Variants in PREX1 observed in about 807,000 individuals in gnomAD.
PREX1 encodes the protein phosphatidylinositol-3,4,5-trisphosphate dependent Rac exchange factor 1, also known as phosphatidylinositol 3,4,5-trisphosphate-dependent Rac exchanger 1 protein.
Under a neutral mutation model 198.3 loss-of-function variants are expected in PREX1, and 41 were observed. The observed-to-expected ratio is 0.21, with a 90% confidence interval of 0.16 to 0.27. The LOEUF (loss-of-function observed/expected upper bound fraction) is 0.27, where lower values mean the gene tolerates loss of function less well. Among genes scored for constraint, PREX1 ranks in the 10% least tolerant of loss-of-function variants. The pLI is 1.00. For missense variants in PREX1, 1,620 were observed against 2,200.7 expected (o/e 0.74, Z 5.28); for synonymous variants, 843 against 887.2 (o/e 0.95, Z 0.89).
intron 3 of PREX1, 89 bp downstream of exon 3, chr20:48,744,936 A>G: frequency 6.6e-7 from 1 of 1,512,622 alleles, no homozygotes. Flanking sequence ...CTACAGAGGA[A>G]GCTGGTGAAG....
intron 1 of PREX1, among the ~76,000 whole-genome samples, chr20:48,807,753 T>C (rs1406000631): frequency 6.6e-6 from 1 of 152,172 alleles, no homozygotes; most frequent in Admixed American, 6.5e-5. Context: ...CTGGGCATTA[T>C]GCCTCTTGTG....
chr20:48,680,882 A>G (rs2089744762), intron 11 of PREX1, among the ~76,000 whole-genome samples: 1 of 128,248 alleles, frequency 7.8e-6, no homozygotes, highest in African/African-American at 3.3e-5. Flanking sequence ...CCATGACGAC[A>G]GGCACGTCCT....
At chr20:48,808,392 A>G (rs1197740683) in intron 1 of PREX1, among the ~76,000 whole-genome samples, 1 of 152,196 alleles carries the variant, frequency 6.6e-6, no homozygotes, top group East Asian at 1.9e-4. Flanking sequence ...ATAGAGCTCC[A>G]AGAAAAGCAG....
intron 7 of PREX1, among the ~76,000 whole-genome samples, chr20:48,698,961 G>A (rs372307995): frequency 1.9e-4 from 29 of 152,284 alleles, no homozygotes; most frequent in African/African-American, 6.3e-4. Flanking sequence ...GAGGTTAAAC[G>A]GGGATCCAAT....
At chr20:48,769,911 G>A (rs770741052) in intron 1 of PREX1, among the ~76,000 whole-genome samples, 6 of 152,094 alleles carry the variant, frequency 3.9e-5, no homozygotes, top group Middle Eastern at 3.2e-3. Context: ...CTGCACACAC[G>A]GTGAGGGAGA....
chr20:48,631,472 T>G (rs2089313954), intron 35 of PREX1, among the ~76,000 whole-genome samples: 1 of 152,186 alleles, frequency 6.6e-6, no homozygotes, highest in Non-Finnish European at 1.5e-5. Flanking sequence ...GGCCTCAACA[T>G]GTGTGAATGA....
At chr20:48,688,852 A>AG (rs368678071) in intron 9 of PREX1, 48 bp from the exon 10 acceptor site, 21 of 1,587,478 alleles carry the variant, frequency 1.3e-5, no homozygotes, top group Non-Finnish European at 1.6e-5. Flanking sequence ...GGCCCAGGGC[A>AG]GGGGGGGTAG....
rs573963735 is a variant in PREX1 at position 48,784,584 on chromosome 20, C to T, written c.220-36704G>A. Among the ~76,000 whole-genome samples the T allele has an allele frequency of 2.6e-5, 4 of 152,312 alleles. No homozygotes were observed. In the South Asian group the frequency reaches 6.2e-4, roughly 24 times the overall value. On this transcript the variant is annotated intron_variant, in intron 1 of 39. Coordinates refer to ENST00000371941, the MANE Select transcript of PREX1 (RefSeq NM_020820.4). ...AATTATTCTGTGACAGTGAGGCCGT[C>T]CTGATCTGCACACTGCTGGACCGAA...
At chr20:48,671,229 T>C (rs2089673044) in intron 14 of PREX1, among the ~76,000 whole-genome samples, 1 of 152,208 alleles carries the variant, frequency 6.6e-6, no homozygotes, top group Non-Finnish European at 1.5e-5. Flanking sequence ...GAAGGGAGGA[T>C]TGTAGGAAGT....
At chr20:48,764,763 C>T (rs1601121783) in intron 1 of PREX1, among the ~76,000 whole-genome samples, 1 of 123,374 alleles carries the variant, frequency 8.1e-6, no homozygotes, top group Non-Finnish European at 1.6e-5. Context: ...ACCTGGGAGA[C>T]AGAGCAAGAC....
chr20:48,741,128 T>C (rs2090079666), intron 3 of PREX1, among the ~76,000 whole-genome samples: 1 of 152,174 alleles, frequency 6.6e-6, no homozygotes, highest in Non-Finnish European at 1.5e-5. Flanking sequence ...TGAATCAATT[T>C]TTTAAAGCAT....
chr20:48,822,285 T>G (rs1161578678), intron 1 of PREX1, among the ~76,000 whole-genome samples: 1 of 152,170 alleles, frequency 6.6e-6, no homozygotes, highest in African/African-American at 2.4e-5. Context: ...AGCCCAGAGG[T>G]CTCACAGGGG....
At chr20:48,662,876 AATGT>A (rs2089607345) in intron 15 of PREX1, among the ~76,000 whole-genome samples, 1 of 152,212 alleles carries the variant, frequency 6.6e-6, no homozygotes, top group South Asian at 2.1e-4. Context: ...CACCCAGCAG[AATGT>A]CCACAGCCAG....
chr20:48,673,798 C>G (rs1429084827), intron 14 of PREX1, among the ~76,000 whole-genome samples: 2 of 152,182 alleles, frequency 1.3e-5, no homozygotes, highest in Non-Finnish European at 2.9e-5. Context: ...CACCTTGAAT[C>G]TTTTGTGAAA....
intron 25 of PREX1, 51 bp downstream of exon 25, chr20:48,649,249 A>T (rs1256855478): frequency 6.3e-7 from 1 of 1,582,530 alleles, no homozygotes; most frequent in South Asian, 1.2e-5. Context: ...TAAGGCCAGG[A>T]TTGAGAACAC....
rs746766367 is a variant in PREX1, at chr20:48,624,446, C to T, written c.*1439G>A. 6 of 152,742 alleles carry T rather than the reference C, an allele frequency of 3.9e-5. No individual in the cohort carries two copies. Among genetic ancestry groups the T allele is most frequent in the African/African-American group, 1.4e-4 (6 of 41,580 alleles). 9.5% of individuals were successfully genotyped at this position (152,742 alleles called of 1,614,324 possible). The stretch of plus-strand genomic sequence containing the variant: ...CAGTGACAAGGCCACTGCCTGCCCT[C>T]GTGTATGCTGCGGCAAGAGAGGGAA... On this transcript the variant is annotated 3_prime_UTR_variant, in exon 40 of 40. Coordinates refer to ENST00000371941, the MANE Select transcript of PREX1 (RefSeq NM_020820.4).
intron 1 of PREX1, among the ~76,000 whole-genome samples, chr20:48,818,435 G>A (rs2090468006): frequency 6.6e-6 from 1 of 152,232 alleles, no homozygotes; most frequent in Non-Finnish European, 1.5e-5. Flanking sequence ...CCAGACTAAG[G>A]ACTGCTTTTA....
chr20:48,711,068 G>A (rs1157124530), intron 5 of PREX1, among the ~76,000 whole-genome samples: 1 of 152,256 alleles, frequency 6.6e-6, no homozygotes, highest in Non-Finnish European at 1.5e-5. Flanking sequence ...GCTGACAGGA[G>A]GATGCACGGG....
the PREX1 span, among the ~76,000 whole-genome samples, chr20:48,866,131 T>C: frequency 6.6e-6 from 1 of 152,186 alleles, no homozygotes; most frequent in African/African-American, 2.4e-5. Flanking sequence ...AAAGTTTTTG[T>C]AGAGACAAGA....
Sources: gnomAD v4.1 joint callset for allele counts (sites outside exome capture counted in the v4.1 genomes callset) on GRCh38, gnomAD v4.1.1 for gene constraint, MANE v1.5 for transcripts, NCBI Gene and HGNC (gene_info 2026-07-23, HGNC 2026-07-21) for gene names.